OSBPL10: variants seen among roughly 807,000 people sequenced by gnomAD.
The protein encoded by OSBPL10 is oxysterol-binding protein-related protein 10.
A neutral mutation model predicts 81.7 loss-of-function variants in OSBPL10; 49 were observed. The ratio of observed to expected loss-of-function variants is 0.60; its 90% CI spans 0.48 to 0.76. The LOEUF (loss-of-function observed/expected upper bound fraction) is 0.76, where lower values mean the gene tolerates loss of function less well. Ranked by LOEUF, OSBPL10 falls within the 30% of genes least tolerant of loss-of-function variation. The probability of loss-of-function intolerance (pLI) is 0.00; values close to 1 mark genes in which losing one functional copy is unlikely to be tolerated. For synonymous variants in OSBPL10, 419 were observed against 383.6 expected, an observed-to-expected ratio of 1.09 and a Z score of -1.08; for missense variants, 923 against 987.8, an observed-to-expected ratio of 0.93 and a Z score of 0.88.
intron 6 of OSBPL10, chr3:31,721,605 C>T (rs1353735979): frequency 6.6e-6 from 1 of 152,186 alleles, no homozygotes; most frequent in Non-Finnish European, 1.5e-5. Flanking sequence ...TAGTGGAGGT[C>T]CTTTGTAAAC....
At chr3:32,071,326 C>A (rs867722409) in intron 1 of OSBPL10, among the ~76,000 whole-genome samples, 1 of 152,162 alleles carries the variant, frequency 6.6e-6, no homozygotes, top group Non-Finnish European at 1.5e-5. Context: ...TGCATCCTAA[C>A]AAAACCATTA....
chr3:31,904,573 C>A (rs909296482), intron 1 of OSBPL10, among the ~76,000 whole-genome samples: 5 of 152,142 alleles, frequency 3.3e-5, no homozygotes, highest in Non-Finnish European at 7.3e-5. Flanking sequence ...CAAGCCTCCA[C>A]ACAACATGAT....
At chr3:31,773,515 T>C (rs1698442884) in intron 4 of OSBPL10, among the ~76,000 whole-genome samples, 1 of 152,252 alleles carries the variant, frequency 6.6e-6, no homozygotes, top group Non-Finnish European at 1.5e-5. Context: ...GTTACATGTT[T>C]GTGCCTATCG....
intron 6 of OSBPL10, among the ~76,000 whole-genome samples, chr3:31,728,714 CAG>C (rs925933016): frequency 6.6e-6 from 1 of 152,042 alleles, no homozygotes; most frequent in African/African-American, 2.4e-5. Context: ...GGACAAATAA[CAG>C]ATCAATGGTT....
rs182167993 is a variant in OSBPL10, at chr3:31,740,023, C to T, written c.941-6612G>A. 4.6e-5 allele frequency among the ~76,000 whole-genome samples: 7 copies of T among 151,696 alleles called. No homozygotes were observed. The Admixed American group carries it at 4.6e-4, about 10-fold the overall frequency. ...CTTTCATCTCACCCTGGTCCCAGCT[C>T]CAGAATTGGCTATGAATAATACTTT... On this transcript the variant is annotated intron_variant, in intron 5 of 11. Coordinates refer to ENST00000396556, the MANE Select transcript of OSBPL10 (RefSeq NM_017784.5).
intron 2 of OSBPL10, among the ~76,000 whole-genome samples, chr3:32,034,442 GAAAA>G (rs34903839): frequency 7.7e-6 from 1 of 130,454 alleles, no homozygotes; most frequent in African/African-American, 2.9e-5. Context: ...CCCTGTAGCG[GAAAA>G]AAAAAAAAAA....
At chr3:31,879,419 G>C (rs1304516456) in intron 2 of OSBPL10, 3 of 484,946 alleles carry the variant, frequency 6.2e-6, no homozygotes, top group African/African-American at 2.0e-5. Flanking sequence ...GCTGCTTTGG[G>C]AATCACTCAC....
rs192413391 is a variant in OSBPL10, at chr3:31,989,966, A to G, written n.298+56525T>C. The G allele has an allele frequency of 3.2e-3, 5,116 of 1,614,032 alleles. 7 individuals carry two copies. Among genetic ancestry groups the G allele is most frequent in the Non-Finnish European group, 4.0e-3 (4,701 of 1,179,984 alleles). ...TGTAATGAATGTGGCAAGGTTTTTAATCAACAATCAAACCTTGCAAGTCAT... is the reference window on the plus strand; with the variant it reads ...TGTAATGAATGTGGCAAGGTTTTTAGTCAACAATCAAACCTTGCAAGTCAT... On this transcript the variant is annotated intron_variant and non_coding_transcript_variant, in intron 2 of 3. Transcript: ENST00000479173.
intron 1 of OSBPL10, among the ~76,000 whole-genome samples, chr3:32,052,794 G>A (rs1699678807): frequency 6.6e-6 from 1 of 152,024 alleles, no homozygotes; most frequent in Admixed American, 6.6e-5. Context: ...CATACATTGG[G>A]GCCTGTCAGG....
rs1240974910 is a variant in OSBPL10 at position 32,008,301 on chromosome 3, C to T, written n.298+38190G>A. Among the ~76,000 whole-genome samples, 9 of 149,204 alleles carry T rather than the reference C, an allele frequency of 6.0e-5. No homozygotes were observed. The South Asian group carries it at 8.4e-4, about 14-fold the overall frequency. On this transcript the variant is annotated intron_variant and non_coding_transcript_variant, in intron 2 of 3. Transcript: ENST00000479173. ...CTGAGTAGTTGGGATTACAGGTGCC[C>T]GCCACAATGCTCAGCTAATTTTTGT...
intron 1 of OSBPL10, among the ~76,000 whole-genome samples, chr3:31,924,016 AG>A (rs1214009906): frequency 6.6e-6 from 1 of 152,210 alleles, no homozygotes; most frequent in South Asian, 2.1e-4. Flanking sequence ...CGGGAGTTCA[AG>A]ACCAGCCTGG....
At chr3:31,902,602 G>A (rs1031061604) in intron 1 of OSBPL10, among the ~76,000 whole-genome samples, 9 of 151,912 alleles carry the variant, frequency 5.9e-5, no homozygotes, top group Non-Finnish European at 1.0e-4. Context: ...TTGCTCTGTC[G>A]CCCAGGCTGG....
intron 7 of OSBPL10, 21 bp from the exon 8 acceptor site, chr3:31,684,135 A>C (rs1408766116): frequency 1.9e-6 from 3 of 1,608,446 alleles, no homozygotes. Flanking sequence ...AAGGACACAA[A>C]GTCAGACAAT....
chr3:31,692,555 TA>T (rs1403515783), intron 7 of OSBPL10, among the ~76,000 whole-genome samples: 2 of 151,690 alleles, frequency 1.3e-5, no homozygotes, highest in African/African-American at 4.9e-5. Context: ...GACACTTCTG[TA>T]AACAATCAGT....
In OSBPL10 at chr3:31,962,374, G is replaced by A. The variant is rs77891201; in HGVS notation, c.281+18525C>T. Among the ~76,000 whole-genome samples, 105 of 152,212 alleles carry A rather than the reference G, an allele frequency of 6.9e-4. No individual in the cohort carries two copies. The East Asian group carries it at 0.018, about 26-fold the overall frequency. On this transcript the variant is annotated intron_variant, in intron 1 of 11. Coordinates refer to ENST00000396556, the MANE Select transcript of OSBPL10 (RefSeq NM_017784.5). ...TAACAACAATAAAGTTATTTCATGG[G>A]TATAGTTTCAATTTGGGATGATAAA...
chr3:31,767,922 AC>A (rs1698251051), intron 4 of OSBPL10, among the ~76,000 whole-genome samples: 1 of 152,212 alleles, frequency 6.6e-6, no homozygotes, highest in South Asian at 2.1e-4. Flanking sequence ...AAGCCAGCCT[AC>A]AGAGTAAAGT....
chr3:31,823,371 G>C (rs1396937442), intron 4 of OSBPL10, among the ~76,000 whole-genome samples: 1 of 152,174 alleles, frequency 6.6e-6, no homozygotes, highest in Non-Finnish European at 1.5e-5. Flanking sequence ...CTTTCACATA[G>C]GTATCTGTGG....
At chr3:31,843,075 A>T (rs957739015) in intron 3 of OSBPL10, among the ~76,000 whole-genome samples, 1 of 152,222 alleles carries the variant, frequency 6.6e-6, no homozygotes, top group African/African-American at 2.4e-5. Context: ...CTGGCTGCTG[A>T]GCCAACTATT....
At chr3:31,841,109 T>C (rs1700482810) in intron 3 of OSBPL10, among the ~76,000 whole-genome samples, 1 of 152,222 alleles carries the variant, frequency 6.6e-6, no homozygotes, top group South Asian at 2.1e-4. Flanking sequence ...GGTTTCTCCA[T>C]GTTGGTCAGG....
Sources: allele counts gnomAD v4.1 joint callset (sites outside exome capture counted in the v4.1 genomes callset), GRCh38; gene constraint gnomAD v4.1.1; transcripts MANE v1.5; gene names NCBI Gene and HGNC (gene_info 2026-07-23, HGNC 2026-07-21).